The following GOLPH3 variants were observed in gnomAD, a reference collection of about 807,000 sequenced individuals.
The protein encoded by GOLPH3 is golgi phosphoprotein 3, also known as coat protein GPP34.
In GOLPH3, 14 loss-of-function variants were observed where a neutral mutation model predicts 28.5. That is an observed-to-expected ratio of 0.49 (90% CI 0.32 to 0.77). The LOEUF is 0.77. Among genes scored for constraint, GOLPH3 ranks in the 30% least tolerant of loss-of-function variants. The pLI, the probability that GOLPH3 is intolerant of heterozygous loss-of-function variation, is 0.03. For missense variants in GOLPH3, 350 were observed against 393.7 expected (o/e 0.89, Z 0.94); for synonymous variants, 158 against 159.2 (o/e 0.99, Z 0.06).
At chr5:32,141,111 C>A (rs1446520371) in intron 2 of GOLPH3, among the ~76,000 whole-genome samples, 2 of 148,936 alleles carry the variant, frequency 1.3e-5, no homozygotes, top group Non-Finnish European at 3.0e-5. Context: ...TGCAGTGAGC[C>A]GAGATCACGC....
At chr5:32,134,988 C>T (rs887221773) in intron 3 of GOLPH3, among the ~76,000 whole-genome samples, 19 of 152,206 alleles carry the variant, frequency 1.2e-4, no homozygotes, top group Non-Finnish European at 2.4e-4. Flanking sequence ...AAACTTTTCA[C>T]GTTCTCCTCC....
chr5:32,127,828 C>A (rs157491), intron 3 of GOLPH3, among the ~76,000 whole-genome samples: 1 of 152,028 alleles, frequency 6.6e-6, no homozygotes, highest in African/African-American at 2.4e-5. Context: ...ATAAAATATA[C>A]GAAAAAACTG....
rs187239532 is a variant in GOLPH3, at chr5:32,161,562, G to A, written c.225+12248C>T. Among the ~76,000 whole-genome samples, 116 of 151,254 alleles carry A rather than the reference G, an allele frequency of 7.7e-4. 5 individuals carry two copies. The highest frequency in any genetic ancestry group is 2.4e-3 in the African/African-American group (96 of 40,672). The stretch of plus-strand genomic sequence containing the variant: ...GGCGTAATGAAACTTAATATTTATT[G>A]TGCACCAACTATCAGGCACTTTACA... On this transcript the variant is annotated intron_variant, in intron 1 of 3. Coordinates refer to ENST00000265070, the MANE Select transcript of GOLPH3 (RefSeq NM_022130.4).
chr5:32,154,276 T>C (rs1026522437), intron 1 of GOLPH3, among the ~76,000 whole-genome samples: 2 of 152,222 alleles, frequency 1.3e-5, no homozygotes, highest in African/African-American at 4.8e-5. Flanking sequence ...GCCTTTTAAG[T>C]GCATAAAATG....
chr5:32,161,397 T>C (rs1388461922), intron 1 of GOLPH3, among the ~76,000 whole-genome samples: 1 of 136,478 alleles, frequency 7.3e-6, no homozygotes, highest in Non-Finnish European at 1.5e-5. Context: ...GAGCATACCT[T>C]GTCTCAAAAA....
intron 1 of GOLPH3, among the ~76,000 whole-genome samples, chr5:32,158,019 A>AAATAAAT (rs1554049244): frequency 4.3e-5 from 1 of 23,218 alleles, no homozygotes; most frequent in South Asian, 1.3e-3. Context: ...ATAAATAAAT[A>AAATAAAT]AAATACACAC....
Position 32,124,891 on chromosome 5 carries a change from G to A in GOLPH3, c.*1321C>T, listed in dbSNP as rs1453811839. ...CACCTGAAAGCCCCACTATTAACAT[G>A]GACTATGGTAATAAAAAATTTTGAC... On this transcript the variant is annotated 3_prime_UTR_variant, in exon 4 of 4. Coordinates refer to ENST00000265070, the MANE Select transcript of GOLPH3 (RefSeq NM_022130.4). 1 of 152,290 alleles carries A rather than the reference G, an allele frequency of 6.6e-6. No individual in the cohort carries two copies. The highest frequency in any genetic ancestry group is 2.4e-5 in the African/African-American group (1 of 41,318). 9.4% of individuals were successfully genotyped at this position (152,290 alleles called of 1,614,324 possible).
chr5:32,142,864 C>A (rs1175265999), intron 2 of GOLPH3, among the ~76,000 whole-genome samples: 11 of 149,564 alleles, frequency 7.4e-5, no homozygotes, highest in South Asian at 6.4e-4. Context: ...CCGCCCCGTC[C>A]GGGAGGTGAG....
chr5:32,128,691 A>G (rs1745751962), intron 3 of GOLPH3, among the ~76,000 whole-genome samples: 3 of 152,140 alleles, frequency 2.0e-5, no homozygotes, highest in African/African-American at 4.8e-5. Context: ...AAAAAATTAA[A>G]AACAAGTTGA....
At chr5:32,142,843 C>G (rs191372050) in intron 2 of GOLPH3, among the ~76,000 whole-genome samples, 8,398 of 146,236 alleles carry the variant, frequency 0.057, 598 homozygotes, top group African/African-American at 0.16. Flanking sequence ...GTCAGCCCCC[C>G]GCCCGGCCAG....
intron 1 of GOLPH3, 54 bp downstream of exon 1, chr5:32,173,756 C>A (rs1329365726): frequency 3.2e-6 from 4 of 1,256,182 alleles, no homozygotes; most frequent in Non-Finnish European, 3.0e-6. Flanking sequence ...CTGGAGCTCA[C>A]CTGGCGCCCG....
At chr5:32,150,079 TAGG>T (rs1343505414) in intron 1 of GOLPH3, among the ~76,000 whole-genome samples, 6 of 151,834 alleles carry the variant, frequency 4.0e-5, no homozygotes, top group African/African-American at 9.7e-5. Context: ...TTACTATAGA[TAGG>T]AGTTTAGTAA....
At chr5:32,127,300 G>C (rs769310708) in intron 3 of GOLPH3, among the ~76,000 whole-genome samples, 59 of 152,122 alleles carry the variant, frequency 3.9e-4, no homozygotes, top group Non-Finnish European at 8.4e-4. Context: ...TTATCTTTGG[G>C]ATTATGTGTG....
At chr5:32,168,741 C>T (rs975173528) in intron 1 of GOLPH3, among the ~76,000 whole-genome samples, 4 of 152,166 alleles carry the variant, frequency 2.6e-5, no homozygotes, top group African/African-American at 9.7e-5. Flanking sequence ...AGATCCAAAG[C>T]CCTGAAAGAA....
chr5:32,142,633 C>T (rs1213453120), intron 2 of GOLPH3, among the ~76,000 whole-genome samples: 10 of 145,240 alleles, frequency 6.9e-5, no homozygotes, highest in Non-Finnish European at 1.1e-4. Flanking sequence ...CCAGCCGCCC[C>T]GTCCGGGAGG....
chr5:32,135,076 A>T (rs1311615611), intron 3 of GOLPH3, among the ~76,000 whole-genome samples: 1 of 152,182 alleles, frequency 6.6e-6, no homozygotes, highest in Non-Finnish European at 1.5e-5. Context: ...CATGAACCAC[A>T]TGTCATTTCT....
At chr5:32,137,929 A>T (rs1745972583) in intron 2 of GOLPH3, among the ~76,000 whole-genome samples, 1 of 133,522 alleles carries the variant, frequency 7.5e-6, no homozygotes, top group Non-Finnish European at 1.5e-5. Flanking sequence ...TTTGAGATGG[A>T]GTCTCACTCT....
chr5:32,168,549 T>G (rs994970636), intron 1 of GOLPH3, among the ~76,000 whole-genome samples: 1 of 152,114 alleles, frequency 6.6e-6, no homozygotes, highest in African/African-American at 2.4e-5. Context: ...AAAAGCAACT[T>G]TACTGGAAGG....
intron 1 of GOLPH3, among the ~76,000 whole-genome samples, chr5:32,158,222 G>A (rs557297746): frequency 3.3e-5 from 5 of 149,710 alleles, no homozygotes; most frequent in African/African-American, 1.2e-4. Flanking sequence ...CTCCATATCA[G>A]ATATTTCAAA....
Sources: allele counts gnomAD v4.1 joint callset (sites outside exome capture counted in the v4.1 genomes callset), GRCh38; gene constraint gnomAD v4.1.1; transcripts MANE v1.5; gene names NCBI Gene and HGNC (gene_info 2026-07-23, HGNC 2026-07-21).